Variants in PAM observed in about 807,000 individuals in gnomAD.
PAM encodes the protein peptidyl-glycine alpha-amidating monooxygenase.
Under a neutral mutation model 122.1 loss-of-function variants are expected in PAM, and 72 were observed. The ratio of observed to expected loss-of-function variants is 0.59; its 90% CI spans 0.49 to 0.72. PAM has a LOEUF of 0.72. PAM is among the 30% of genes least tolerant of loss of function. PAM has a pLI of 0.00. For missense variants in PAM, 1,106 were observed against 1,183.7 expected, an observed-to-expected ratio of 0.93 and a Z score of 0.96; for synonymous variants, 389 against 404.4, an observed-to-expected ratio of 0.96 and a Z score of 0.46.
At chr5:102,954,880 G>A (rs1359797847) in intron 12 of PAM, among the ~76,000 whole-genome samples, 1 of 151,976 alleles carries the variant, frequency 6.6e-6, no homozygotes, top group African/African-American at 2.4e-5. Flanking sequence ...TTTGGAATGG[G>A]TCATTTCATT....
chr5:103,027,066 G>A (rs1785146454), intron 24 of PAM, among the ~76,000 whole-genome samples: 1 of 152,128 alleles, frequency 6.6e-6, no homozygotes, highest in Admixed American at 6.5e-5. Flanking sequence ...AGTTTCATAT[G>A]TAGTAGTAGT....
intron 1 of PAM, among the ~76,000 whole-genome samples, chr5:102,806,686 T>C (rs369889785): frequency 1.5e-4 from 23 of 152,322 alleles, no homozygotes; most frequent in African/African-American, 3.8e-4. Flanking sequence ...AATGAAAGAA[T>C]AGGAGTAATT....
intron 1 of PAM, among the ~76,000 whole-genome samples, chr5:102,839,734 C>G (rs964699868): frequency 6.6e-6 from 1 of 151,812 alleles, no homozygotes; most frequent in African/African-American, 2.4e-5. Context: ...AGCCTAATAT[C>G]AGAAAATCTA....
At chr5:102,891,017 A>T (rs116071811) in intron 3 of PAM, among the ~76,000 whole-genome samples, 2,399 of 151,966 alleles carry the variant, frequency 0.016, 57 homozygotes, top group African/African-American at 0.053. Flanking sequence ...TTGCAGTGGG[A>T]TAAATTTAGT....
At chr5:102,889,695 C>G (rs1794202071) in intron 3 of PAM, among the ~76,000 whole-genome samples, 1 of 151,886 alleles carries the variant, frequency 6.6e-6, no homozygotes, top group Non-Finnish European at 1.5e-5. Context: ...TCTTGTGTCT[C>G]TGACTCTGCA....
At chr5:102,968,425 A>T (rs1372524008) in intron 14 of PAM, among the ~76,000 whole-genome samples, 1 of 152,220 alleles carries the variant, frequency 6.6e-6, no homozygotes, top group East Asian at 1.9e-4. Flanking sequence ...AATAAGGACA[A>T]TAATAACAAT....
intron 1 of PAM, among the ~76,000 whole-genome samples, chr5:102,810,494 GA>G (rs1767583195): frequency 6.6e-6 from 1 of 152,168 alleles, no homozygotes; most frequent in Non-Finnish European, 1.5e-5. Flanking sequence ...TGAGATAAAT[GA>G]AATATGGCAG....
chr5:102,995,276 TTCTA>T (rs1208453869), intron 16 of PAM, among the ~76,000 whole-genome samples: 4 of 152,274 alleles, frequency 2.6e-5, no homozygotes, highest in South Asian at 2.1e-4. Flanking sequence ...TGTTTCAGTG[TTCTA>T]TCTTTCTCAT....
At chr5:102,905,604 C>T (rs1370052078) in intron 4 of PAM, among the ~76,000 whole-genome samples, 2 of 151,524 alleles carry the variant, frequency 1.3e-5, no homozygotes, top group South Asian at 4.2e-4. Context: ...CTAGATAGTA[C>T]GACATAAAGA....
At chr5:102,907,294 C>T (rs1386597169) in intron 4 of PAM, among the ~76,000 whole-genome samples, 2 of 151,818 alleles carry the variant, frequency 1.3e-5, no homozygotes, top group East Asian at 1.9e-4. Context: ...CTACAAAGGA[C>T]ATGAACTCAT....
At chr5:102,951,986 T>A (rs1419290683) in intron 12 of PAM, among the ~76,000 whole-genome samples, 1 of 152,042 alleles carries the variant, frequency 6.6e-6, no homozygotes, top group Non-Finnish European at 1.5e-5. Context: ...TTCTTAACAA[T>A]CTTTACATGA....
intron 21 of PAM, among the ~76,000 whole-genome samples, chr5:103,010,190 G>A (rs200676559): frequency 2.6e-5 from 4 of 152,176 alleles, no homozygotes; most frequent in East Asian, 1.9e-4. Flanking sequence ...TAAATCAGTC[G>A]CTTTCTGGTT....
In PAM at chr5:102,794,356, T is replaced by C. The variant is rs138784708; in HGVS notation, c.-374+39008T>C. Among the ~76,000 whole-genome samples the C allele has an allele frequency of 4.0e-3, 612 of 152,344 alleles. 6 individuals are homozygous for C. Among genetic ancestry groups the C allele is most frequent in the African/African-American group, 0.013 (560 of 41,572 alleles). On this transcript the variant is annotated intron_variant, in intron 1 of 25. Coordinates refer to ENST00000438793, the MANE Select transcript of PAM (RefSeq NM_001177306.2). ...GATTCTTACTGATTCAGATACATTTTCCACCAACTGAAGGAAGGAATTATT... is the reference window on the plus strand; with the variant it reads ...GATTCTTACTGATTCAGATACATTTCCCACCAACTGAAGGAAGGAATTATT...
chr5:102,824,457 T>C (rs569877494), intron 1 of PAM, among the ~76,000 whole-genome samples: 2 of 152,344 alleles, frequency 1.3e-5, no homozygotes, highest in Admixed American at 1.3e-4. Context: ...TCATTTTGTA[T>C]TTAAACTTCC....
At chr5:102,943,800 C>A (rs1756083705) in intron 7 of PAM, among the ~76,000 whole-genome samples, 1 of 152,174 alleles carries the variant, frequency 6.6e-6, no homozygotes, top group African/African-American at 2.4e-5. Flanking sequence ...AATAATTCGG[C>A]ATGGTTATAC....
intron 1 of PAM, among the ~76,000 whole-genome samples, chr5:102,863,811 T>C (rs1287645515): frequency 6.6e-6 from 1 of 151,332 alleles, no homozygotes; most frequent in Non-Finnish European, 1.5e-5. Flanking sequence ...TGATGATTTG[T>C]ATTTTGTCTT....
chr5:102,761,012 T>C (rs1752179442), intron 1 of PAM, among the ~76,000 whole-genome samples: 1 of 152,206 alleles, frequency 6.6e-6, no homozygotes, highest in Admixed American at 6.5e-5. Context: ...CTTTGTCTAC[T>C]AACCATGCTT....
In PAM at chr5:102,949,556, A is replaced by G; in HGVS notation, c.663A>G (p.Ser221=). The G allele has an allele frequency of 1.3e-6, 2 of 1,539,716 alleles. No individual in the cohort carries two copies. The highest frequency in any genetic ancestry group is 1.8e-6 in the Non-Finnish European group (2 of 1,112,322). The change falls in exon 10 of 26, where the codon TCA becomes TCG. Residue 221 remains serine (S), a synonymous_variant. Transcript: ENST00000438793. ...CCACAGTGGTGAATTCTGACATTTC[A>G]TGCCATTATAAAAATTATCCAATGC... ...AGEKVVNSDI[S]CHYKNYPMHV...
chr5:102,772,414 G>T (rs1454640932), intron 1 of PAM, among the ~76,000 whole-genome samples: 1 of 152,062 alleles, frequency 6.6e-6, no homozygotes, highest in Non-Finnish European at 1.5e-5. Flanking sequence ...TCCTCATCCT[G>T]ATTCTTGCCC....
Sources: allele counts gnomAD v4.1 joint callset (sites outside exome capture counted in the v4.1 genomes callset), GRCh38; gene constraint gnomAD v4.1.1; transcripts MANE v1.5; gene names NCBI Gene and HGNC (gene_info 2026-07-23, HGNC 2026-07-21).